The following LIPH variants were observed in gnomAD, a reference collection of about 807,000 sequenced individuals.
LIPH encodes the protein lipase H.
Under a neutral mutation model 47.6 loss-of-function variants are expected in LIPH, and 32 were observed. The ratio of observed to expected loss-of-function variants is 0.67; its 90% CI spans 0.51 to 0.90. The LOEUF (loss-of-function observed/expected upper bound fraction) is 0.90. Among genes scored for constraint, LIPH ranks in the 40% least tolerant of loss-of-function variants. LIPH has a pLI of 0.00. For synonymous variants in LIPH, 190 were observed against 195.6 expected, an observed-to-expected ratio of 0.97 and a Z score of 0.24; for missense variants, 497 against 541.4, an observed-to-expected ratio of 0.92 and a Z score of 0.81.
Position 185,534,792 on chromosome 3 carries a change from G to A in LIPH, c.390C>T (p.Val130=), listed in dbSNP as rs1276469241. Residue 130 remains valine, a synonymous_variant, in exon 2 of 10, where the codon GTC becomes GTT. Transcript: ENST00000296252. ...ASSKTRKVAM[V]LKEFIDQMLA... Reference sequence around the variant, plus strand: ...ACATCTGGTCAATAAATTCCTTCAAGACCATGGCTACTTTTCTGGTCTTAC... The same window carrying A: ...ACATCTGGTCAATAAATTCCTTCAAAACCATGGCTACTTTTCTGGTCTTAC... The A allele has an allele frequency of 6.2e-7, 1 of 1,613,826 alleles. No homozygotes were observed. Among genetic ancestry groups the A allele is most frequent in the African/African-American group, 1.3e-5 (1 of 75,040 alleles).
At chr3:185,530,578 G>A (rs971198328) in intron 3 of LIPH, among the ~76,000 whole-genome samples, 1 of 152,066 alleles carries the variant, frequency 6.6e-6, no homozygotes, top group African/African-American at 2.4e-5. Context: ...GCTGAGGCAC[G>A]ATAATTGCTT....
chr3:185,538,862 TACATATATAC>T (rs1560169610), intron 1 of LIPH, among the ~76,000 whole-genome samples: 16 of 147,100 alleles, frequency 1.1e-4, no homozygotes, highest in African/African-American at 3.7e-4. Flanking sequence ...TATACATATA[TACATATATAC>T]ACATATATAT....
rs7427026 is a variant in LIPH, at chr3:185,526,661, A to T, written c.628+823T>A. The stretch of plus-strand genomic sequence containing the variant: ...ATAAATAAAATAAAATAAAATAAAA[A>T]ATAATATAATATAATATAATATAAT... On this transcript the variant is annotated intron_variant, in intron 4 of 9. Coordinates refer to ENST00000296252, the MANE Select transcript of LIPH (RefSeq NM_139248.3). Among the ~76,000 whole-genome samples the T allele has an allele frequency of 2.4e-4, 24 of 100,622 alleles. No individual in the cohort carries two copies. In the East Asian group the frequency reaches 8.4e-3, roughly 35 times the overall value. The allele number at this position is 100,622 out of a possible 152,430, so 66.0% of individuals were successfully genotyped here.
chr3:185,515,309 A>T (rs546909751), intron 7 of LIPH, among the ~76,000 whole-genome samples: 107 of 149,610 alleles, frequency 7.2e-4, no homozygotes, highest in African/African-American at 2.1e-3. Flanking sequence ...GGTTTTTTTA[A>T]AAAAAAAAAA....
chr3:185,527,416 A>C lies in LIPH; in HGVS notation c.628+68T>G, dbSNP rs368546118. ...GAACCTGATCTGCTCCTACATGATT[A>C]TCTCTCCCCAGGGGACACTCTTTAG... On this transcript the variant is annotated intron_variant, in intron 4 of 9. Transcript: ENST00000296252. 9.9e-5 allele frequency: 105 copies of C among 1,064,930 alleles called. No homozygotes were observed. The Middle Eastern group carries it at 1.0e-3, about 10-fold the overall frequency. The allele number at this position is 1,064,930 out of a possible 1,614,324, so 66.0% of individuals were successfully genotyped here.
intron 1 of LIPH, chr3:185,547,007 C>G (rs184419525): frequency 2.4e-6 from 1 of 409,026 alleles, no homozygotes; most frequent in Non-Finnish European, 4.7e-6. Context: ...TGGACAGAGG[C>G]GAGGAAATTC....
At chr3:185,518,173 T>C (rs1339226337) in intron 6 of LIPH, among the ~76,000 whole-genome samples, 2 of 152,212 alleles carry the variant, frequency 1.3e-5, no homozygotes, top group African/African-American at 2.4e-5. Flanking sequence ...TGGAAACTCT[T>C]CTGTAACCTT....
chr3:185,515,448 G>C (rs1441458828), intron 7 of LIPH, among the ~76,000 whole-genome samples: 2 of 152,074 alleles, frequency 1.3e-5, no homozygotes, highest in Non-Finnish European at 2.9e-5. Context: ...TACAGACCAG[G>C]TAGGTGCCAA....
rs1420252259 is a variant in LIPH, at chr3:185,508,820, T to G, written c.1326A>C (p.Gln442His). 1 of 1,613,858 alleles carries G rather than the reference T, an allele frequency of 6.2e-7. No homozygotes were observed. The highest frequency in any genetic ancestry group is 1.3e-5 in the African/African-American group (1 of 74,904). The part of the protein sequence containing the change: ...VLMENVETVF[Q>H]PILCPELQL ...ACTGCAACTCTGGGCAAAGAATAGGTTGGAAGACTGTTTCAACGTTTTCCA... is the reference window on the plus strand; with the variant it reads ...ACTGCAACTCTGGGCAAAGAATAGGGTGGAAGACTGTTTCAACGTTTTCCA... Residue 442 changes from glutamine (Q) to histidine (H), a missense_variant, in exon 10 of 10, where the codon CAA (glutamine) becomes CAC (histidine). Physicochemically the swap from Gln to His is conservative, Grantham distance 24. Coordinates refer to ENST00000296252, the MANE Select transcript of LIPH (RefSeq NM_139248.3).
chr3:185,523,681 A>G (rs1199302779), intron 5 of LIPH, among the ~76,000 whole-genome samples: 1 of 152,138 alleles, frequency 6.6e-6, no homozygotes, highest in Non-Finnish European at 1.5e-5. Context: ...TGCTGGGATT[A>G]CAGGTATGCA....
chr3:185,540,242 G>C (rs1035853285), intron 1 of LIPH, among the ~76,000 whole-genome samples: 1 of 152,068 alleles, frequency 6.6e-6, no homozygotes, highest in East Asian at 1.9e-4. Context: ...AACTGAATTC[G>C]GCAATGCTAT....
rs572964736 is a variant in LIPH, at chr3:185,543,974, C to T, written c.49+8449G>A. On this transcript the variant is annotated intron_variant, in intron 1 of 9. Transcript: ENST00000296252. The stretch of plus-strand genomic sequence containing the variant: ...CAAGTGATTCTCCTGCCTCAGCCTC[C>T]CATGTAGCTGAGATTATAGGTGCAT... Among the ~76,000 whole-genome samples the T allele has an allele frequency of 6.6e-5, 10 of 151,786 alleles. No individual in the cohort carries two copies. In the South Asian group the frequency reaches 2.1e-3, roughly 32 times the overall value.
At chr3:185,526,616 A>G (rs1183685514) in intron 4 of LIPH, among the ~76,000 whole-genome samples, 15 of 43,292 alleles carry the variant, frequency 3.5e-4, no homozygotes, top group African/African-American at 8.9e-4. Flanking sequence ...AAAAAATAAA[A>G]TAATAAAATA....
intron 1 of LIPH, among the ~76,000 whole-genome samples, chr3:185,541,820 G>T (rs1386251791): frequency 6.6e-6 from 1 of 151,578 alleles, no homozygotes; most frequent in African/African-American, 2.4e-5. Flanking sequence ...GCAGGGTCAT[G>T]ATCTTGGCTC....
At position 185,517,118 on chromosome 3, in the gene LIPH, G is replaced by T; in HGVS notation, c.931C>A (p.Pro311Thr). 6.2e-7 allele frequency: 1 copy of T among 1,612,786 alleles called. No homozygotes were observed. The highest frequency in any genetic ancestry group is 8.5e-7 in the Non-Finnish European group (1 of 1,178,766). ...TCAAAGAATGCCTTCGTCATTGGAGGATCTTTCCCCCTTAGATGGTCTTTC... is the reference window on the plus strand; with the variant it reads ...TCAAAGAATGCCTTCGTCATTGGAGTATCTTTCCCCCTTAGATGGTCTTTC... The part of the protein sequence containing the change: ...NWKDHLRGKD[P>T]PMTKAFFDTA... Residue 311 changes from proline to threonine, a missense_variant, in exon 7 of 10, where the codon CCT (proline) becomes ACT (threonine). Physicochemically the swap from Pro to Thr is conservative, Grantham distance 38 (BLOSUM62 -1). Transcript: ENST00000296252.
intron 5 of LIPH, among the ~76,000 whole-genome samples, chr3:185,521,687 G>C (rs866711979): frequency 6.6e-6 from 1 of 152,206 alleles, no homozygotes; most frequent in African/African-American, 2.4e-5. Flanking sequence ...CAAAATGCTA[G>C]TAAGTTCCAA....
intron 1 of LIPH, among the ~76,000 whole-genome samples, chr3:185,550,672 A>G (rs1350243690): frequency 1.3e-5 from 2 of 151,970 alleles, no homozygotes; most frequent in Admixed American, 1.3e-4. Context: ...CAGGTTCAAG[A>G]GATTCTCCTG....
chr3:185,547,651 C>T (rs1432753327), intron 1 of LIPH, among the ~76,000 whole-genome samples: 1 of 151,874 alleles, frequency 6.6e-6, no homozygotes. Context: ...GGCGAAACCC[C>T]GTCTCTACTA....
intron 5 of LIPH, 34 bp downstream of exon 5, chr3:185,524,037 T>G (rs770113333): frequency 6.8e-7 from 1 of 1,477,636 alleles, no homozygotes; most frequent in African/African-American, 1.4e-5. Flanking sequence ...ATATGCCTTT[T>G]TATACCACTA....
Sources: allele counts gnomAD v4.1 joint callset (sites outside exome capture counted in the v4.1 genomes callset), GRCh38; gene constraint gnomAD v4.1.1; transcripts MANE v1.5; gene names NCBI Gene and HGNC (gene_info 2026-07-23, HGNC 2026-07-21).